PPARGC1A: variants seen among roughly 807,000 people sequenced by gnomAD.
PPARGC1A encodes the protein peroxisome proliferator-activated receptor gamma coactivator 1-alpha.
PPARGC1A carries 25 observed loss-of-function variants against 88.7 expected under a neutral mutation model. That is an observed-to-expected ratio of 0.28 (90% CI 0.21 to 0.39). PPARGC1A has a LOEUF of 0.39. Among genes scored for constraint, PPARGC1A ranks in the 10% least tolerant of loss-of-function variants. PPARGC1A has a pLI of 1.00. For missense variants in PPARGC1A, 880 were observed against 968.7 expected, an observed-to-expected ratio of 0.91 and a Z score of 1.22; for synonymous variants, 363 against 355.6, an observed-to-expected ratio of 1.02 and a Z score of -0.24.
the PPARGC1A span, among the ~76,000 whole-genome samples, chr4:24,245,940 C>T: frequency 0.17 from 25,801 of 151,734 alleles, 2,347 homozygotes; most frequent in Middle Eastern, 0.3. Context: ...CACACACACA[C>T]ACACACACAC....
At chr4:24,323,596 C>A in the PPARGC1A span, among the ~76,000 whole-genome samples, 1 of 152,144 alleles carries the variant, frequency 6.6e-6, no homozygotes, top group Non-Finnish European at 1.5e-5. Flanking sequence ...AATGGCCCCA[C>A]CCCTATCTCC....
In PPARGC1A at chr4:23,831,547, G is replaced by A; in HGVS notation, c.429+10C>T. 6.2e-7 allele frequency: 1 copy of A among 1,610,474 alleles called. No individual in the cohort carries two copies. On this transcript the variant is annotated intron_variant, in intron 3 of 12. Transcript: ENST00000264867. ...TCCAATTCCTGCTAAACAGTAGGAA[G>A]GGTTCTTACTAGAGACGGCTCTTCT... is the stretch of plus-strand genomic sequence containing the variant.
chr4:24,278,386 G>C, the PPARGC1A span, among the ~76,000 whole-genome samples: 1 of 152,130 alleles, frequency 6.6e-6, no homozygotes, highest in Non-Finnish European at 1.5e-5. Context: ...TCAAGTCCAA[G>C]TGATGGCTAA....
chr4:24,271,319 C>G, the PPARGC1A span, among the ~76,000 whole-genome samples: 1 of 152,100 alleles, frequency 6.6e-6, no homozygotes, highest in Non-Finnish European at 1.5e-5. Context: ...ACTGAGTTCC[C>G]TCTGCAGAAT....
chr4:24,360,646 C>A, the PPARGC1A span, among the ~76,000 whole-genome samples: 7 of 152,306 alleles, frequency 4.6e-5, no homozygotes, highest in East Asian at 1.4e-3. Context: ...TGAAGCAATG[C>A]AGTGCTGGGA....
At chr4:24,003,349 A>G in the PPARGC1A span, among the ~76,000 whole-genome samples, 1 of 152,352 alleles carries the variant, frequency 6.6e-6, no homozygotes, top group African/African-American at 2.4e-5. Context: ...CTGGGAACTT[A>G]GTTGAATATA....
the PPARGC1A span, among the ~76,000 whole-genome samples, chr4:24,444,284 C>T: frequency 2.0e-5 from 3 of 152,068 alleles, no homozygotes; most frequent in African/African-American, 4.8e-5. Flanking sequence ...CCGCCCCCAT[C>T]GGCCTTCCAA....
At chr4:24,207,508 G>A in the PPARGC1A span, among the ~76,000 whole-genome samples, 1 of 152,196 alleles carries the variant, frequency 6.6e-6, no homozygotes. Context: ...ATCATCAACA[G>A]TCATTTGCTG....
chr4:24,208,125 T>A, the PPARGC1A span, among the ~76,000 whole-genome samples: 1 of 151,404 alleles, frequency 6.6e-6, no homozygotes, highest in Non-Finnish European at 1.5e-5. Context: ...GAAAAAAAAA[T>A]GTTAAAAATT....
At position 23,829,555 on chromosome 4, in the gene PPARGC1A, T is replaced by C; in HGVS notation, c.460A>G (p.Thr154Ala). The C allele has an allele frequency of 6.2e-7, 1 of 1,612,946 alleles. No individual in the cohort carries two copies. Among genetic ancestry groups the C allele is most frequent in the Non-Finnish European group, 8.5e-7 (1 of 1,179,134 alleles). ...LKKLLLAPAN[T>A]QLSYNECSGL... The stretch of plus-strand genomic sequence containing the variant: ...CTGCATTCATTATAACTTAGCTGAG[T>C]GTTGGCTGGTGCCAGTAAGAGCTTC... Residue 154 changes from threonine (T) to alanine (A), a missense_variant, in exon 4 of 13, where the codon ACT becomes GCT. Coordinates refer to ENST00000264867, the MANE Select transcript of PPARGC1A (RefSeq NM_013261.5).
At chr4:23,949,346 G>A in the PPARGC1A span, among the ~76,000 whole-genome samples, 1 of 152,266 alleles carries the variant, frequency 6.6e-6, no homozygotes, top group East Asian at 1.9e-4. Flanking sequence ...GTGCTGGGCT[G>A]TTCCATTATG....
At chr4:23,979,633 C>A in the PPARGC1A span, among the ~76,000 whole-genome samples, 2 of 152,176 alleles carry the variant, frequency 1.3e-5, no homozygotes, top group Non-Finnish European at 2.9e-5. Flanking sequence ...GACAGCAGAG[C>A]AACTTAAAAC....
chr4:24,262,606 C>A, the PPARGC1A span, among the ~76,000 whole-genome samples: 1 of 152,148 alleles, frequency 6.6e-6, no homozygotes, highest in Admixed American at 6.5e-5. Flanking sequence ...GGGTCTGTAA[C>A]CTTTCCAGAC....
chr4:23,798,627 C>T (rs985780521), intron 12 of PPARGC1A, among the ~76,000 whole-genome samples: 2 of 151,986 alleles, frequency 1.3e-5, no homozygotes, highest in Non-Finnish European at 2.9e-5. Context: ...ATAACTAATT[C>T]CTAATCAAAA....
At chr4:24,390,066 C>T in the PPARGC1A span, among the ~76,000 whole-genome samples, 2 of 144,992 alleles carry the variant, frequency 1.4e-5, no homozygotes, top group Non-Finnish European at 3.0e-5. Context: ...TTGTAAGTAA[C>T]TTATTTTTTT....
chr4:24,374,633 A>G, the PPARGC1A span, among the ~76,000 whole-genome samples: 1 of 152,096 alleles, frequency 6.6e-6, no homozygotes, highest in Admixed American at 6.6e-5. Context: ...CAGTAAGCAC[A>G]AGAAAAGATG....
chr4:24,130,291 G>C, the PPARGC1A span, among the ~76,000 whole-genome samples: 1 of 152,134 alleles, frequency 6.6e-6, no homozygotes, highest in East Asian at 1.9e-4. Context: ...TTATACCCCA[G>C]GAAATGAAGG....
At chr4:24,413,833 A>T in the PPARGC1A span, among the ~76,000 whole-genome samples, 124 of 152,356 alleles carry the variant, frequency 8.1e-4, no homozygotes, top group African/African-American at 2.9e-3. Context: ...AATGATAATG[A>T]GAGGCCAGTC....
chr4:24,204,538 T>A, the PPARGC1A span, among the ~76,000 whole-genome samples: 2 of 151,816 alleles, frequency 1.3e-5, no homozygotes, highest in African/African-American at 4.8e-5. Context: ...GAAGGGAAAT[T>A]CTTTCTATAG....
Sources: gnomAD v4.1 joint callset for allele counts (sites outside exome capture counted in the v4.1 genomes callset) on GRCh38, gnomAD v4.1.1 for gene constraint, MANE v1.5 for transcripts, NCBI Gene and HGNC (gene_info 2026-07-23, HGNC 2026-07-21) for gene names.